MINDY4B: variants seen among roughly 807,000 people sequenced by gnomAD.
The protein encoded by MINDY4B is MINDY family member 4B.
MINDY4B carries 25 observed loss-of-function variants against 16.7 expected under a neutral mutation model. The ratio of observed to expected loss-of-function variants is 1.49; its 90% CI spans 1.09 to 2.09. The LOEUF is 2.09. Among genes scored for constraint, MINDY4B ranks in the 30% most tolerant of loss-of-function variants. MINDY4B has a pLI of 0.00. For synonymous variants in MINDY4B, 132 were observed against 61.9 expected, an observed-to-expected ratio of 2.13 and a Z score of -5.32; for missense variants, 327 against 168.4, an observed-to-expected ratio of 1.94 and a Z score of -5.21.
chr3:150,885,707 G>C (rs1272489429), intron 7 of MINDY4B, among the ~76,000 whole-genome samples: 1 of 152,036 alleles, frequency 6.6e-6, no homozygotes, highest in South Asian at 2.1e-4. Context: ...TCAAACCTTG[G>C]CCAAGGTGTA....
intron 5 of MINDY4B, among the ~76,000 whole-genome samples, chr3:150,891,980 G>A (rs116650340): frequency 0.01 from 1,564 of 152,300 alleles, 24 homozygotes; most frequent in African/African-American, 0.036. Flanking sequence ...GCTGTGCTAA[G>A]TGCCTTACCT....
intron 3 of MINDY4B, among the ~76,000 whole-genome samples, chr3:150,896,167 G>T (rs1336329963): frequency 6.6e-6 from 1 of 152,098 alleles, no homozygotes; most frequent in Non-Finnish European, 1.5e-5. Flanking sequence ...CTGTTGCTGA[G>T]ACTTTCCAGA....
intron 7 of MINDY4B, among the ~76,000 whole-genome samples, chr3:150,889,996 T>G (rs985778740): frequency 6.6e-6 from 1 of 152,174 alleles, no homozygotes; most frequent in Non-Finnish European, 1.5e-5. Context: ...TTTTTCACCA[T>G]TTTGTTTTTT....
chr3:150,904,432 T>C (rs1332427878), intron 2 of MINDY4B, among the ~76,000 whole-genome samples: 1 of 152,208 alleles, frequency 6.6e-6, no homozygotes, highest in African/African-American at 2.4e-5. Flanking sequence ...GCATTATAGT[T>C]AAAATATTAA....
At chr3:150,877,158 AAGACGG>A (rs1711497881) in intron 10 of MINDY4B, among the ~76,000 whole-genome samples, 1 of 152,148 alleles carries the variant, frequency 6.6e-6, no homozygotes, top group Non-Finnish European at 1.5e-5. Context: ...TTACTTAGAG[AAGACGG>A]AGGCAGCATT....
At chr3:150,888,401 AG>A (rs918518669) in intron 7 of MINDY4B, among the ~76,000 whole-genome samples, 32 of 152,074 alleles carry the variant, frequency 2.1e-4, no homozygotes, top group African/African-American at 7.5e-4. Flanking sequence ...GTACCAGGGG[AG>A]GGGGTCAGAA....
chr3:150,886,675 A>C (rs1302450001), intron 7 of MINDY4B, among the ~76,000 whole-genome samples: 2 of 152,108 alleles, frequency 1.3e-5, no homozygotes, highest in Non-Finnish European at 2.9e-5. Context: ...TTCCTTTTCC[A>C]GCTTCTAGAA....
In MINDY4B at chr3:150,885,451, G is replaced by GA. The variant is rs1421605141; in HGVS notation, c.754-14dup. ...CTTCCCCTCTGAACTGTTCGGAAAA[G>GA]AAAAGAAAAGCATGTTGGTCTAAAA... On this transcript the variant is annotated splice_polypyrimidine_tract_variant and intron_variant, in intron 7 of 11. Coordinates refer to ENST00000465419, the MANE Select transcript of MINDY4B (RefSeq NM_001351281.2). 1 of 653,314 alleles carries GA rather than the reference G, an allele frequency of 1.5e-6. No homozygotes were observed. The allele number at this position is 653,314 out of a possible 1,614,324, so 40.5% of individuals were successfully genotyped here.
At chr3:150,873,556 T>C (rs1330893045) in intron 10 of MINDY4B, among the ~76,000 whole-genome samples, 189 bp from the exon 11 acceptor site, 1 of 152,240 alleles carries the variant, frequency 6.6e-6, no homozygotes, top group Admixed American at 6.5e-5. Context: ...TTATGAATGA[T>C]CTGGTATAGT....
intron 10 of MINDY4B, among the ~76,000 whole-genome samples, chr3:150,881,614 TAAAAA>T (rs34567737): frequency 8.2e-6 from 1 of 121,430 alleles, no homozygotes; most frequent in Non-Finnish European, 1.7e-5. Flanking sequence ...TGTCTCTGTT[TAAAAA>T]AAAAAAAAAA....
intron 10 of MINDY4B, among the ~76,000 whole-genome samples, chr3:150,876,429 C>T (rs1010700274): frequency 4.6e-5 from 7 of 152,150 alleles, no homozygotes; most frequent in East Asian, 1.9e-4. Context: ...GTGTTTGAAA[C>T]GTTGTGCTTT....
chr3:150,876,867 A>G (rs1711497490), intron 10 of MINDY4B, among the ~76,000 whole-genome samples: 1 of 152,148 alleles, frequency 6.6e-6, no homozygotes, highest in African/African-American at 2.4e-5. Flanking sequence ...TTAGACTCAA[A>G]CTGCTTTATG....
At chr3:150,876,310 C>A (rs919424218) in intron 10 of MINDY4B, among the ~76,000 whole-genome samples, 3 of 151,500 alleles carry the variant, frequency 2.0e-5, no homozygotes, top group Non-Finnish European at 4.4e-5. Context: ...CCATGTAATT[C>A]TTTTTTTTTA....
At chr3:150,898,268 G>A (rs181791032) in intron 3 of MINDY4B, among the ~76,000 whole-genome samples, 6 of 152,332 alleles carry the variant, frequency 3.9e-5, no homozygotes, top group Admixed American at 3.9e-4. Context: ...AGCAATAAGA[G>A]AGGAAAAGCT....
intron 5 of MINDY4B, among the ~76,000 whole-genome samples, chr3:150,891,585 A>T (rs1711804363): frequency 6.6e-6 from 1 of 151,988 alleles, no homozygotes; most frequent in Admixed American, 6.6e-5. Flanking sequence ...AACATGGCGA[A>T]ACCCCTTCTA....
At position 150,885,380 on chromosome 3, in the gene MINDY4B, CTA is replaced by C; in HGVS notation, c.810_811del (p.Arg271AsnfsTer3). ...CTGTAGAATTTACCTTTCAAATGTT[CTA>C]GAGAAGATCAGGCTGTACAGAAACA... On this transcript the variant is annotated frameshift_variant, in exon 8 of 12. Coordinates refer to ENST00000465419, the MANE Select transcript of MINDY4B (RefSeq NM_001351281.2). LOFTEE classifies it high-confidence loss of function. 1.4e-6 allele frequency: 1 copy of C among 702,730 alleles called. No individual in the cohort carries two copies. Among genetic ancestry groups the C allele is most frequent in the East Asian group, 2.7e-5 (1 of 37,284 alleles). The allele number at this position is 702,730 out of a possible 1,614,324, so 43.5% of individuals were successfully genotyped here. A position where few individuals can be genotyped will look rare whatever the true frequency, so the allele number is the denominator to read the frequency against.
intron 10 of MINDY4B, among the ~76,000 whole-genome samples, chr3:150,880,350 C>T (rs1387164834): frequency 6.8e-6 from 1 of 147,536 alleles, no homozygotes; most frequent in Admixed American, 6.6e-5. Flanking sequence ...TGGATGCGCA[C>T]ACGCGCCCAT....
At chr3:150,898,805 C>T (rs1028492476) in intron 3 of MINDY4B, among the ~76,000 whole-genome samples, 1 of 152,176 alleles carries the variant, frequency 6.6e-6, no homozygotes, top group African/African-American at 2.4e-5. Context: ...ATTTTATACA[C>T]ACATTCAAAG....
At chr3:150,889,831 C>T (rs1045345674) in intron 7 of MINDY4B, among the ~76,000 whole-genome samples, 1 of 152,284 alleles carries the variant, frequency 6.6e-6, no homozygotes, top group East Asian at 1.9e-4. Flanking sequence ...GTCCCCTTTC[C>T]ACCCTGGGGG....
Sources: allele counts gnomAD v4.1 joint callset (sites outside exome capture counted in the v4.1 genomes callset), GRCh38; gene constraint gnomAD v4.1.1; transcripts MANE v1.5; gene names NCBI Gene and HGNC (gene_info 2026-07-23, HGNC 2026-07-21).